AP5Z1: variants seen among roughly 807,000 people sequenced by gnomAD.
AP5Z1 encodes the protein adaptor related protein complex 5 subunit zeta 1, also known as AP-5 complex subunit zeta-1.
AP5Z1 carries 106 observed loss-of-function variants against 83.0 expected under a neutral mutation model. That is an observed-to-expected ratio of 1.28 (90% CI 1.09 to 1.50). The LOEUF (loss-of-function observed/expected upper bound fraction) is 1.50. Among genes scored for constraint, AP5Z1 ranks in the 40% most tolerant of loss-of-function variants. AP5Z1 has a pLI of 0.00. For synonymous variants in AP5Z1, 751 were observed against 514.1 expected (o/e 1.46, Z -6.23); for missense variants, 1,565 against 1,094.2 (o/e 1.43, Z -6.07).
intron 1 of AP5Z1, among the ~76,000 whole-genome samples, chr7:4,778,082 A>G (rs576340368): frequency 1.9e-4 from 29 of 152,274 alleles, no homozygotes; most frequent in African/African-American, 6.7e-4. Context: ...AAACTTAGCC[A>G]GGTGTGGTGG....
chr7:4,790,808 A>G lies in AP5Z1; in HGVS notation c.2074A>G (p.Arg692Gly), dbSNP rs1337719779. 3 of 1,609,330 alleles carry G rather than the reference A, an allele frequency of 1.9e-6. No homozygotes were observed. Among genetic ancestry groups the G allele is most frequent in the East Asian group, 2.2e-5 (1 of 44,778 alleles). ...GTGCCGCCCCTCTGCTGCCCTGCCC[A>G]GGTGTCCCCCCCAGGTGGTCACCGT... Reference protein sequence around the residue: ...TQCRPSAALPRCPPQVVTVLM... With the variant: ...TQCRPSAALPGCPPQVVTVLM... Residue 692 changes from arginine to glycine, a missense_variant, in exon 16 of 17, where the codon AGG becomes GGG. Transcript: ENST00000649063.
chr7:4,784,277 C>T lies in AP5Z1; in HGVS notation c.696C>T (p.Phe232=), dbSNP rs1361563941. The change falls in exon 6 of 17, where the codon TTC becomes TTT. Residue 232 remains phenylalanine (F), a synonymous_variant. Coordinates refer to ENST00000649063, the MANE Select transcript of AP5Z1 (RefSeq NM_014855.3). ...CGGTGCTCTCCAGCGGCCACCGCTTCACAGACGACCAGTGGCTGAACGTGC... is the reference window on the plus strand; with the variant it reads ...CGGTGCTCTCCAGCGGCCACCGCTTTACAGACGACCAGTGGCTGAACGTGC... The part of the protein sequence containing the change: ...FFTVLSSGHR[F]TDDQWLNVQA... 1.2e-6 allele frequency: 2 copies of T among 1,601,502 alleles called. No individual in the cohort carries two copies. Among genetic ancestry groups the T allele is most frequent in the African/African-American group, 2.7e-5 (2 of 74,716 alleles).
Position 4,792,893 on chromosome 7 carries a change from A to G in AP5Z1, c.*1508A>G, listed in dbSNP as rs1421064057. 10 of 152,362 alleles carry G rather than the reference A, an allele frequency of 6.6e-5. No homozygotes were observed. The highest frequency in any genetic ancestry group is 5.9e-4 in the Admixed American group (9 of 15,294). The allele number at this position is 152,362 out of a possible 1,614,324, so 9.4% of individuals were successfully genotyped here. A position where few individuals can be genotyped will look rare whatever the true frequency, so the allele number is the denominator to read the frequency against. On this transcript the variant is annotated 3_prime_UTR_variant, in exon 17 of 17. Coordinates refer to ENST00000649063, the MANE Select transcript of AP5Z1 (RefSeq NM_014855.3). Reference sequence around the variant, plus strand: ...GGGGGCGCTGCTGGGCTCATCCCGAAGCTCAGAGAGCGTGGGGCTGCCCCT... The same window carrying G: ...GGGGGCGCTGCTGGGCTCATCCCGAGGCTCAGAGAGCGTGGGGCTGCCCCT...
At chr7:4,787,604 C>T (rs1016580022) in intron 10 of AP5Z1, 30 bp from the exon 11 acceptor site, 51 of 1,541,568 alleles carry the variant, frequency 3.3e-5, no homozygotes, top group African/African-American at 3.0e-4. Flanking sequence ...AGCTCCGAGC[C>T]GTGTCCGAAC....
At chr7:4,790,970 G>A in intron 16 of AP5Z1, 83 bp downstream of exon 16, 4 of 1,486,526 alleles carry the variant, frequency 2.7e-6, no homozygotes, top group Non-Finnish European at 3.6e-6. Context: ...CAGGTGTTGT[G>A]AAATGGTCGC....
chr7:4,779,143 A>G (rs1781304479), intron 1 of AP5Z1, among the ~76,000 whole-genome samples: 1 of 145,456 alleles, frequency 6.9e-6, no homozygotes, highest in African/African-American at 2.5e-5. Context: ...TATATTATAT[A>G]TAACATATAT....
At chr7:4,787,866 C>T in intron 11 of AP5Z1, 90 bp downstream of exon 11, 6 of 1,414,204 alleles carry the variant, frequency 4.2e-6, no homozygotes, top group African/African-American at 2.9e-5. Context: ...GACCCCTACA[C>T]CGGGGACCCT....
At position 4,783,307 on chromosome 7, in the gene AP5Z1, G is replaced by A. The variant is rs1324522896; in HGVS notation, c.367-9G>A. The A allele has an allele frequency of 1.3e-6, 2 of 1,599,548 alleles. No homozygotes were observed. Among genetic ancestry groups the A allele is most frequent in the South Asian group, 2.2e-5 (2 of 89,326 alleles). ...CAGTACCCCAGCGTTTGCCCTGTTT[G>A]ATTTGAAGGGTGACAGAAACGAGGA... is the stretch of plus-strand genomic sequence containing the variant. On this transcript the variant is annotated splice_polypyrimidine_tract_variant and intron_variant, in intron 3 of 16. Coordinates refer to ENST00000649063, the MANE Select transcript of AP5Z1 (RefSeq NM_014855.3).
At chr7:4,784,163 C>G (rs1163596516) in intron 5 of AP5Z1, 40 bp from the exon 6 acceptor site, 1 of 1,542,620 alleles carries the variant, frequency 6.5e-7, no homozygotes, top group Admixed American at 2.0e-5. Flanking sequence ...TTTTCCCGGC[C>G]TCGGCCCCCT....
Position 4,784,793 on chromosome 7 carries a change from C to T in AP5Z1, c.791-115C>T, listed in dbSNP as rs912160568. On this transcript the variant is annotated intron_variant, in intron 6 of 16. Coordinates refer to ENST00000649063, the MANE Select transcript of AP5Z1 (RefSeq NM_014855.3). ...CGTCCTGAGACGGTGACGCCTCACG[C>T]CTCCCGGGAGGGGCTGCGGCCTGTG... is the stretch of plus-strand genomic sequence containing the variant. The T allele has an allele frequency of 4.3e-6, 6 of 1,383,970 alleles. No individual in the cohort carries two copies. In the African/African-American group the frequency reaches 7.3e-5, roughly 17 times the overall value. The allele number at this position is 1,383,970 out of a possible 1,614,324, so 85.7% of individuals were successfully genotyped here. A position where few individuals can be genotyped will look rare whatever the true frequency, so the allele number is the denominator to read the frequency against.
intron 14 of AP5Z1, chr7:4,790,167 C>G (rs1177698489): frequency 6.6e-7 from 1 of 1,526,290 alleles, no homozygotes; most frequent in South Asian, 1.2e-5. Context: ...AGGGTTAGCT[C>G]AGGTCCCTCT....
At chr7:4,786,556 A>G in intron 10 of AP5Z1, 128 bp downstream of exon 10, 1 of 1,096,556 alleles carries the variant, frequency 9.1e-7, no homozygotes, top group East Asian at 2.4e-5. Flanking sequence ...CGGGCCTGGA[A>G]TGCGGTGTGC....
intron 1 of AP5Z1, among the ~76,000 whole-genome samples, chr7:4,778,551 G>C (rs1462814359): frequency 1.3e-5 from 2 of 151,922 alleles, no homozygotes; most frequent in African/African-American, 4.8e-5. Context: ...AGGCAGCGTT[G>C]GGGTCTGTAG....
chr7:4,781,086 A>C, intron 1 of AP5Z1, 89 bp from the exon 2 acceptor site: 1 of 1,507,664 alleles, frequency 6.6e-7, no homozygotes, highest in Non-Finnish European at 8.9e-7. Flanking sequence ...TCTTTTCTAA[A>C]GAGGGATTTT....
chr7:4,783,940 C>T (rs1380192482), intron 5 of AP5Z1, 142 bp downstream of exon 5: 3 of 989,084 alleles, frequency 3.0e-6, no homozygotes, highest in Non-Finnish European at 4.4e-6. Flanking sequence ...GGGCTTGGGT[C>T]AGGCAGGGCC....
In AP5Z1 at chr7:4,783,328, G is replaced by A. The variant is rs115454162; in HGVS notation, c.379G>A (p.Glu127Lys). Residue 127 changes from glutamate to lysine, a missense_variant, in exon 4 of 17, where the codon GAG becomes AAG. Transcript: ENST00000649063. ...GTTTGATTTGAAGGGTGACAGAAACGAGGAGGTCAGAGCCGTGGGCCAGGG... is the reference window on the plus strand; with the variant it reads ...GTTTGATTTGAAGGGTGACAGAAACAAGGAGGTCAGAGCCGTGGGCCAGGG... ...SVLLAQGDRNEEVRAVGQGVL... is the reference protein window; with the variant it reads ...SVLLAQGDRNKEVRAVGQGVL... 3,081 of 1,609,808 alleles carry A rather than the reference G, an allele frequency of 1.9e-3. 57 individuals are homozygous for A. In the African/African-American group the frequency reaches 0.036, roughly 19 times the overall value.
At chr7:4,783,528 GGTGGGTTGGGAGT>G in intron 4 of AP5Z1, 68 bp downstream of exon 4, 1 of 1,585,598 alleles carries the variant, frequency 6.3e-7, no homozygotes, top group Non-Finnish European at 8.6e-7. Flanking sequence ...GAGGGCCCAT[GGTGGGTTGGGAGT>G]GTGGGGGGCA....
At position 4,788,679 on chromosome 7, in the gene AP5Z1, AG is replaced by A. The variant is rs1251643994; in HGVS notation, c.1596-157del. 4.8e-6 allele frequency: 3 copies of A among 628,092 alleles called. No individual in the cohort carries two copies. In the African/African-American group the frequency reaches 5.6e-5, roughly 12 times the overall value. 38.9% of individuals were successfully genotyped at this position (628,092 alleles called of 1,614,324 possible). A position where few individuals can be genotyped will look rare whatever the true frequency, so the allele number is the denominator to read the frequency against. On this transcript the variant is annotated intron_variant, in intron 12 of 16. Coordinates refer to ENST00000649063, the MANE Select transcript of AP5Z1 (RefSeq NM_014855.3). Reference sequence around the variant, plus strand: ...TTACTGTCCCGGGTGTGCTGACGCCAGGGGTCTCCCCAAACCCAGGGGAGCA... The same window carrying A: ...TTACTGTCCCGGGTGTGCTGACGCCAGGGTCTCCCCAAACCCAGGGGAGCA...
chr7:4,779,123 G>C (rs1484595381), intron 1 of AP5Z1, among the ~76,000 whole-genome samples: 7 of 142,964 alleles, frequency 4.9e-5, no homozygotes, highest in Non-Finnish European at 1.1e-4. Context: ...TTTTGAGATA[G>C]AGCATATTAT....
Sources: allele counts gnomAD v4.1 joint callset (sites outside exome capture counted in the v4.1 genomes callset), GRCh38; gene constraint gnomAD v4.1.1; transcripts MANE v1.5; gene names NCBI Gene and HGNC (gene_info 2026-07-23, HGNC 2026-07-21).